FOXA1: variants seen among roughly 807,000 people sequenced by gnomAD.
FOXA1 encodes forkhead box A1.
Under a neutral mutation model 29.2 loss-of-function variants are expected in FOXA1, and 9 were observed. The ratio of observed to expected loss-of-function variants is 0.31; its 90% CI spans 0.19 to 0.54. FOXA1 has a LOEUF of 0.54. FOXA1 is among the 20% of genes least tolerant of loss of function. The pLI, the probability that FOXA1 is intolerant of heterozygous loss-of-function variation, is 0.95. For missense variants in FOXA1, 644 were observed against 681.2 expected (o/e 0.95, Z 0.61); for synonymous variants, 340 against 300.9 (o/e 1.13, Z -1.34).
chr14:37,592,551 C>G lies in FOXA1; in HGVS notation c.233G>C (p.Ser78Thr). Residue 78 changes from serine (S) to threonine (T), a missense_variant, in exon 2 of 2, where the codon AGT becomes ACT. Physicochemically the swap from Ser to Thr is moderately conservative, Grantham distance 58. Around this residue, in one of 5 missense-constraint regions of FOXA1, gnomAD observed 309 missense variants for 307.0 expected, o/e 1.01. Transcript: ENST00000250448. ...YANPGLGAGL[S>T]PGAVAGMPGG... ...CGGCATGCCGGCTACTGCGCCGGGA[C>G]TCAGGCCGGCCCCTAGGCCCGGGTT... The G allele has an allele frequency of 6.2e-7, 1 of 1,613,954 alleles. No homozygotes were observed. The highest frequency in any genetic ancestry group is 1.1e-5 in the South Asian group (1 of 91,084).
rs763923394 is a variant in FOXA1 at position 37,592,226 on chromosome 14, C to T, written c.558G>A (p.Ala186=). Residue 186 remains alanine (A), a synonymous_variant, in exon 2 of 2, where the codon GCG becomes GCA. Transcript: ENST00000250448. ...CGCTCAGCGTGAGCATCTTGCTGGG[C>T]GCCTGCTGGATGGCCATGGTGATGA... is the stretch of plus-strand genomic sequence containing the variant. The part of the protein sequence containing the change: ...ISLITMAIQQ[A]PSKMLTLSEI... The T allele has an allele frequency of 3.7e-6, 6 of 1,613,630 alleles. No homozygotes were observed. The African/African-American group carries it at 5.3e-5, about 14-fold the overall frequency.
chr14:37,594,678 C>G (rs2095600174), intron 1 of FOXA1: 1 of 234,944 alleles, frequency 4.3e-6, no homozygotes, highest in African/African-American at 2.3e-5. Flanking sequence ...TCCTAAAACT[C>G]CCTCTCCGGC....
chr14:37,592,636 T>A lies in FOXA1; in HGVS notation c.148A>T (p.Met50Leu), dbSNP rs140306561. Residue 50 changes from methionine to leucine, a missense_variant, in exon 2 of 2, where the codon ATG becomes TTG. Met to Leu is a conservative substitution (Grantham distance 15). Around this residue, in one of 5 missense-constraint regions of FOXA1, gnomAD observed 309 missense variants for 307.0 expected, o/e 1.01. Coordinates refer to ENST00000250448, the MANE Select transcript of FOXA1 (RefSeq NM_004496.5). Reference sequence around the variant, plus strand: ...TTGCCGCTCGTAGTCATGGTGTTCATGGTCATGTAGGTGTTCATGGAGTTC... The same window carrying A: ...TTGCCGCTCGTAGTCATGGTGTTCAAGGTCATGTAGGTGTTCATGGAGTTC... ...SMNSMNTYMT[M>L]NTMTTSGNMT... 1 of 1,614,072 alleles carries A rather than the reference T, an allele frequency of 6.2e-7. No homozygotes were observed. Among genetic ancestry groups the A allele is most frequent in the African/African-American group, 1.3e-5 (1 of 74,938 alleles).
In FOXA1 at chr14:37,592,084, A is replaced by G. The variant is rs2095596362; in HGVS notation, c.700T>C (p.Ser234Pro). The G allele has an allele frequency of 3.7e-6, 6 of 1,611,158 alleles. No individual in the cohort carries two copies. The South Asian group carries it at 6.6e-5, about 18-fold the overall frequency. ...FNDCFVKVAR[S>P]PDKPGKGSYW... ...GAGCCCTTGCCCGGCTTGTCCGGGG[A>G]GCGTGCCACCTTGACGAAGCAGTCA... Residue 234 changes from serine to proline, a missense_variant, in exon 2 of 2, where the codon TCC becomes CCC. Physicochemically the swap from Ser to Pro is moderately conservative, Grantham distance 74. Coordinates refer to ENST00000250448, the MANE Select transcript of FOXA1 (RefSeq NM_004496.5).
intron 1 of FOXA1, 32 bp downstream of exon 1, chr14:37,594,869 C>A: frequency 6.5e-7 from 1 of 1,543,174 alleles, no homozygotes; most frequent in Non-Finnish European, 8.8e-7. Context: ...CAGCGGCGCC[C>A]CACCGGCCGC....
rs1178327030 is a variant in FOXA1 at position 37,589,751 on chromosome 14, CTG to C, written c.*1612_*1613del. Among the ~76,000 whole-genome samples, 1 of 150,874 alleles carries C rather than the reference CTG, an allele frequency of 6.6e-6. No individual in the cohort carries two copies. The highest frequency in any genetic ancestry group is 1.5e-5 in the Non-Finnish European group (1 of 67,750). On this transcript the variant is annotated 3_prime_UTR_variant, in exon 2 of 2. Coordinates refer to ENST00000250448, the MANE Select transcript of FOXA1 (RefSeq NM_004496.5). ...AAAAAAAAAAATGAAGTAAACATCA[CTG>C]GGAATAAAGAATCTTAAAAATCTCA...
Position 37,594,092 on chromosome 14 carries a change from C to T in FOXA1, c.72+809G>A, listed in dbSNP as rs375108055. 3.2e-6 allele frequency: 4 copies of T among 1,264,498 alleles called. No individual in the cohort carries two copies. The East Asian group carries it at 1.7e-4, about 54-fold the overall frequency. 78.3% of individuals were successfully genotyped at this position (1,264,498 alleles called of 1,614,324 possible). ...ATTTTTTACCTTGGGGCTTTATTTT[C>T]TTTCCCTCTTCCCAAGATTATCCAA... is the stretch of plus-strand genomic sequence containing the variant. On this transcript the variant is annotated intron_variant, in intron 1 of 1. Coordinates refer to ENST00000250448, the MANE Select transcript of FOXA1 (RefSeq NM_004496.5).
Position 37,592,399 on chromosome 14 carries a change from G to A in FOXA1, c.385C>T (p.Pro129Ser). The A allele has an allele frequency of 6.2e-7, 1 of 1,601,470 alleles. No individual in the cohort carries two copies. The highest frequency in any genetic ancestry group is 8.5e-7 in the Non-Finnish European group (1 of 1,176,794). The change falls in exon 2 of 2, where the codon CCC (proline) becomes TCC (serine). Residue 129 changes from proline (P) to serine (S), a missense_variant. This residue lies in a region of FOXA1 where 309 missense variants were observed against 307.0 expected (regional missense o/e 1.01). Coordinates refer to ENST00000250448, the MANE Select transcript of FOXA1 (RefSeq NM_004496.5). Reference protein sequence around the residue: ...QQAASMNGLGPYAAAMNPCMS... With the variant: ...QQAASMNGLGSYAAAMNPCMS... ...CACGGGTTCATGGCGGCCGCGTAGG[G>A]GCCCAGGCCATTCATGGAGGCCGCC...
chr14:37,594,484 G>T (rs2095599822), intron 1 of FOXA1: 1 of 575,038 alleles, frequency 1.7e-6, no homozygotes, highest in Non-Finnish European at 2.2e-6. Context: ...ATCAGAAGAC[G>T]TCTGCGAATT....
In FOXA1 at chr14:37,592,397, G is replaced by C; in HGVS notation, c.387C>G (p.Pro129=). 3.1e-6 allele frequency: 5 copies of C among 1,600,684 alleles called. No individual in the cohort carries two copies. Among genetic ancestry groups the C allele is most frequent in the Non-Finnish European group, 4.3e-6 (5 of 1,176,170 alleles). The change falls in exon 2 of 2, where the codon CCC becomes CCG. Residue 129 remains proline (P), a synonymous_variant. Transcript: ENST00000250448. ...QQAASMNGLG[P]YAAAMNPCMS... is the part of the protein sequence containing the mutation. ...TGCACGGGTTCATGGCGGCCGCGTA[G>C]GGGCCCAGGCCATTCATGGAGGCCG...
intron 1 of FOXA1, among the ~76,000 whole-genome samples, chr14:37,593,041 T>C (rs1186949374): frequency 1.3e-5 from 2 of 152,146 alleles, no homozygotes; most frequent in African/African-American, 4.8e-5. Flanking sequence ...CGCCAGGCGG[T>C]ATCCCAAGTC....
rs2139181636 is a variant in FOXA1 at position 37,591,999 on chromosome 14, C to A, written c.785G>T (p.Arg262Leu). 1 of 1,599,316 alleles carries A rather than the reference C, an allele frequency of 6.3e-7. No homozygotes were observed. The highest frequency in any genetic ancestry group is 8.5e-7 in the Non-Finnish European group (1 of 1,173,114). Residue 262 changes from arginine (R) to leucine (L), a missense_variant, in exon 2 of 2, where the codon CGC becomes CTC. Physicochemically the swap from Arg to Leu is moderately radical, Grantham distance 102. This residue lies in a region of FOXA1 where 4 missense variants were observed against 21.6 expected (regional missense o/e 0.19). Transcript: ENST00000250448. ...CTTCTCGCACTTGAAGCGCTTCTGG[C>A]GGCGCAAGTAGCAGCCGTTCTCGAA... Reference protein sequence around the residue: ...NMFENGCYLRRQKRFKCEKQP... With the variant: ...NMFENGCYLRLQKRFKCEKQP...
At position 37,592,429 on chromosome 14, in the gene FOXA1, G is replaced by C. The variant is rs764371648; in HGVS notation, c.355C>G (p.Gln119Glu). Residue 119 changes from glutamine (Q) to glutamate (E), a missense_variant, in exon 2 of 2, where the codon CAG becomes GAG. Gln to Glu is a conservative substitution (Grantham distance 29, BLOSUM62 2). This residue lies in a region of FOXA1 where 309 missense variants were observed against 307.0 expected (regional missense o/e 1.01). Coordinates refer to ENST00000250448, the MANE Select transcript of FOXA1 (RefSeq NM_004496.5). Reference protein sequence around the residue: ...SPSGMGAMGAQQAASMNGLGP... With the variant: ...SPSGMGAMGAEQAASMNGLGP... ...AGGCCATTCATGGAGGCCGCCTGCTGCGCACCCATGGCGCCCATGCCGCTC... is the reference window on the plus strand; with the variant it reads ...AGGCCATTCATGGAGGCCGCCTGCTCCGCACCCATGGCGCCCATGCCGCTC... 8.1e-6 allele frequency: 13 copies of C among 1,600,544 alleles called. No homozygotes were observed. The highest frequency in any genetic ancestry group is 1.1e-5 in the Non-Finnish European group (13 of 1,176,984).
Position 37,591,968 on chromosome 14 carries a change from C to G in FOXA1, c.816G>C (p.Pro272=), listed in dbSNP as rs1267362893. The change falls in exon 2 of 2, where the codon CCG becomes CCC. Residue 272 remains proline (P), a synonymous_variant. Transcript: ENST00000250448. ...RQKRFKCEKQ[P]GAGGGGGSGS... ...CGCTCCCGCCCCCGCCGCCGGCCCC[C>G]GGCTGCTTCTCGCACTTGAAGCGCT... The G allele has an allele frequency of 6.4e-7, 1 of 1,554,706 alleles. No homozygotes were observed.
chr14:37,594,515 C>T (rs770762542), intron 1 of FOXA1: 1 of 377,842 alleles, frequency 2.6e-6, no homozygotes, highest in Non-Finnish European at 3.7e-6. Context: ...ACGAAGAGGT[C>T]GCCTTGTGGG....
rs1285104042 is a variant in FOXA1 at position 37,591,561 on chromosome 14, G to A, written c.1223C>T (p.Ser408Phe). The A allele has an allele frequency of 3.1e-6, 5 of 1,614,104 alleles. No individual in the cohort carries two copies. Among genetic ancestry groups the A allele is most frequent in the East Asian group, 2.2e-5 (1 of 44,880 alleles). ...HPFSINNLMS[S>F]SEQQHKLDFK... Reference sequence around the variant, plus strand: ...GTCCAGCTTATGCTGCTGCTCCGAGGAGGACATGAGGTTGTTGATGGAGAA... The same window carrying A: ...GTCCAGCTTATGCTGCTGCTCCGAGAAGGACATGAGGTTGTTGATGGAGAA... Residue 408 changes from serine to phenylalanine, a missense_variant, in exon 2 of 2, where the codon TCC (serine) becomes TTC (phenylalanine). Around this residue, in one of 5 missense-constraint regions of FOXA1, gnomAD observed 295 missense variants for 294.4 expected, o/e 1.00. Transcript: ENST00000250448.
At chr14:37,592,793 C>T in intron 1 of FOXA1, 82 bp from the exon 2 acceptor site, 12 of 1,562,150 alleles carry the variant, frequency 7.7e-6, no homozygotes, top group Non-Finnish European at 1.0e-5. Flanking sequence ...CGGGACCTAA[C>T]CCGGGGGCAA....
Position 37,590,643 on chromosome 14 carries a change from A to G in FOXA1, c.*722T>C, listed in dbSNP as rs1326431843. ...TGAGAATGTATCATGTATATCACCT[A>G]TCTATTACCTCTATATGTTATGTAA... On this transcript the variant is annotated 3_prime_UTR_variant, in exon 2 of 2. Coordinates refer to ENST00000250448, the MANE Select transcript of FOXA1 (RefSeq NM_004496.5). 1 of 226,890 alleles carries G rather than the reference A, an allele frequency of 4.4e-6. No homozygotes were observed. Among genetic ancestry groups the G allele is most frequent in the Admixed American group, 5.7e-5 (1 of 17,664 alleles). The allele number at this position is 226,890 out of a possible 1,614,324, so 14.1% of individuals were successfully genotyped here.
chr14:37,594,337 T>C, intron 1 of FOXA1: 1 of 1,119,914 alleles, frequency 8.9e-7, no homozygotes, highest in Non-Finnish European at 1.1e-6. Context: ...AAGAAGATTT[T>C]GGTCGCACTA....
Sources: allele counts gnomAD v4.1 joint callset (sites outside exome capture counted in the v4.1 genomes callset), GRCh38; gene constraint gnomAD v4.1.1; regional missense constraint gnomAD v4.1.1; transcripts MANE v1.5; gene names NCBI Gene and HGNC (gene_info 2026-07-23, HGNC 2026-07-21).